SPATA17: variants seen among roughly 807,000 people sequenced by gnomAD.
SPATA17 encodes the protein spermatogenesis-associated protein 17.
SPATA17 carries 53 observed loss-of-function variants against 62.2 expected under a neutral mutation model. The ratio of observed to expected loss-of-function variants is 0.85; its 90% CI spans 0.68 to 1.07. SPATA17 has a LOEUF of 1.07. SPATA17 is among the 50% of genes least tolerant of loss of function. The probability of loss-of-function intolerance (pLI) is 0.00; values close to 1 mark genes in which losing one functional copy is unlikely to be tolerated. For missense variants in SPATA17, 466 were observed against 425.5 expected, an observed-to-expected ratio of 1.10 and a Z score of -0.84; for synonymous variants, 146 against 146.8, an observed-to-expected ratio of 0.99 and a Z score of 0.04.
intron 5 of SPATA17, among the ~76,000 whole-genome samples, chr1:217,700,275 A>T (rs1405679586): frequency 1.3e-5 from 2 of 152,204 alleles, no homozygotes; most frequent in Admixed American, 6.5e-5. Context: ...TTCTTTTAAA[A>T]GTAAGTGATA....
chr1:217,730,736 C>T (rs1015233036), intron 5 of SPATA17, among the ~76,000 whole-genome samples: 20 of 152,086 alleles, frequency 1.3e-4, no homozygotes, highest in Non-Finnish European at 4.4e-5. Context: ...AAGTTCTTAT[C>T]TCTCACTTCT....
intron 5 of SPATA17, among the ~76,000 whole-genome samples, chr1:217,705,693 C>T (rs550436869): frequency 1.3e-5 from 2 of 152,186 alleles, no homozygotes; most frequent in South Asian, 4.2e-4. Context: ...CCTGCCTCAG[C>T]CTCCCAAAGT....
intron 3 of SPATA17, among the ~76,000 whole-genome samples, chr1:217,663,171 G>A (rs1269187601): frequency 6.6e-6 from 1 of 152,122 alleles, no homozygotes; most frequent in Non-Finnish European, 1.5e-5. Flanking sequence ...CAGGACAGGT[G>A]CAGTGGCTGA....
At chr1:217,671,711 G>A (rs76157908) in intron 4 of SPATA17, among the ~76,000 whole-genome samples, 7,952 of 152,156 alleles carry the variant, frequency 0.052, 285 homozygotes, top group Non-Finnish European at 0.075. Flanking sequence ...GTGGGAATGC[G>A]GTAGGGATTA....
chr1:217,733,877 G>C (rs956510263), intron 5 of SPATA17, among the ~76,000 whole-genome samples: 2 of 152,168 alleles, frequency 1.3e-5, no homozygotes, highest in Non-Finnish European at 2.9e-5. Context: ...GAGTGCTTGA[G>C]TTAATGACTA....
intron 3 of SPATA17, among the ~76,000 whole-genome samples, chr1:217,656,098 G>T (rs185992290): frequency 1.3e-4 from 19 of 151,940 alleles, no homozygotes; most frequent in African/African-American, 4.3e-4. Context: ...TGGCCAGGCT[G>T]GTCTCGAACT....
chr1:217,725,360 T>G (rs1417511583), intron 5 of SPATA17, among the ~76,000 whole-genome samples: 1 of 152,236 alleles, frequency 6.6e-6, no homozygotes, highest in Non-Finnish European at 1.5e-5. Context: ...AAATACTTTT[T>G]TTTCCAAAAA....
chr1:217,841,507 C>T (rs904257810), intron 9 of SPATA17, among the ~76,000 whole-genome samples: 3 of 151,928 alleles, frequency 2.0e-5, no homozygotes, highest in African/African-American at 7.3e-5. Flanking sequence ...CAATGTTCTA[C>T]ATTCACCCGT....
chr1:217,855,759 G>T (rs527344987), intron 9 of SPATA17, among the ~76,000 whole-genome samples: 178 of 136,582 alleles, frequency 1.3e-3, no homozygotes, highest in African/African-American at 4.7e-3. Flanking sequence ...ATGGAGTCTC[G>T]CTGTGTCGCC....
intron 9 of SPATA17, among the ~76,000 whole-genome samples, chr1:217,844,191 C>T (rs77564252): frequency 6.6e-6 from 1 of 152,108 alleles, no homozygotes; most frequent in East Asian, 1.9e-4. Context: ...GTCAGGAAGG[C>T]CTGCATATGC....
chr1:217,747,385 A>G (rs1335760119), intron 6 of SPATA17, among the ~76,000 whole-genome samples: 5 of 152,144 alleles, frequency 3.3e-5, no homozygotes, highest in Non-Finnish European at 5.9e-5. Context: ...GGATATATGC[A>G]AAGGCCTATT....
chr1:217,766,441 C>T (rs926138471), intron 6 of SPATA17, among the ~76,000 whole-genome samples: 1 of 151,950 alleles, frequency 6.6e-6, no homozygotes, highest in Non-Finnish European at 1.5e-5. Flanking sequence ...TATACCACTT[C>T]ATAGGTAGTA....
chr1:217,852,539 C>T, intron 9 of SPATA17, among the ~76,000 whole-genome samples: 1 of 152,160 alleles, frequency 6.6e-6, no homozygotes, highest in East Asian at 1.9e-4. Flanking sequence ...AGAACTCTTT[C>T]CACATGCAAA....
At chr1:217,860,565 A>G (rs142709910) in intron 9 of SPATA17, among the ~76,000 whole-genome samples, 1 of 152,126 alleles carries the variant, frequency 6.6e-6, no homozygotes, top group Non-Finnish European at 1.5e-5. Flanking sequence ...TTCACACTCT[A>G]TTGCTAGGCA....
rs539400880 is a variant in SPATA17 at position 217,675,805 on chromosome 1, G to A, written c.291+6722G>A. On this transcript the variant is annotated intron_variant, in intron 4 of 10. Transcript: ENST00000366933. ...ACAGAAAGGTATCTTGCCCCAAATC[G>A]CACAGCTAGTAAATGAAAGTGTTAG... Among the ~76,000 whole-genome samples the A allele has an allele frequency of 9.4e-4, 143 of 152,204 alleles. 1 individual carries two copies. Among genetic ancestry groups the A allele is most frequent in the African/African-American group, 3.2e-3 (134 of 41,512 alleles).
chr1:217,712,559 C>T (rs1020109072), intron 5 of SPATA17, among the ~76,000 whole-genome samples: 2 of 151,946 alleles, frequency 1.3e-5, no homozygotes, highest in African/African-American at 4.8e-5. Flanking sequence ...ATTTTCTGCC[C>T]CCTCCTCCAG....
chr1:217,852,979 T>G (rs561326336), intron 9 of SPATA17, among the ~76,000 whole-genome samples: 2 of 152,160 alleles, frequency 1.3e-5, no homozygotes, highest in South Asian at 2.1e-4. Context: ...CTTCTCTGTG[T>G]CTCCTCACTG....
chr1:217,727,622 C>CT (rs1672298358), intron 5 of SPATA17, among the ~76,000 whole-genome samples: 1 of 152,132 alleles, frequency 6.6e-6, no homozygotes, highest in South Asian at 2.1e-4. Context: ...GTCTGATTCT[C>CT]TTAAAATGTA....
rs188054336 is a variant in SPATA17 at position 217,817,239 on chromosome 1, G to A, written c.1005+15389G>A. Among the ~76,000 whole-genome samples, 17 of 152,100 alleles carry A rather than the reference G, an allele frequency of 1.1e-4. No individual in the cohort carries two copies. In the East Asian group the frequency reaches 2.9e-3, roughly 26 times the overall value. ...GTTTGGCTATGTCTCCGCCCAAATC[G>A]CATCTTGAATTGTAGTTCCCATAAT... On this transcript the variant is annotated intron_variant, in intron 9 of 10. Transcript: ENST00000366933.
Sources: gnomAD v4.1 joint callset for allele counts (sites outside exome capture counted in the v4.1 genomes callset) on GRCh38, gnomAD v4.1.1 for gene constraint, MANE v1.5 for transcripts, NCBI Gene and HGNC (gene_info 2026-07-23, HGNC 2026-07-21) for gene names.